SMYD4: variants seen among roughly 807,000 people sequenced by gnomAD.
SMYD4 encodes protein-lysine N-methyltransferase SMYD4.
Under a neutral mutation model 72.8 loss-of-function variants are expected in SMYD4, and 68 were observed. That is an observed-to-expected ratio of 0.93 (90% CI 0.77 to 1.14). SMYD4 has a LOEUF of 1.14. Ranked by LOEUF, SMYD4 falls within the 50% of genes most tolerant of loss-of-function variation. The pLI, the probability that SMYD4 is intolerant of heterozygous loss-of-function variation, is 0.00. For missense variants in SMYD4, 984 were observed against 1,003.7 expected (o/e 0.98, Z 0.27); for synonymous variants, 407 against 388.6 (o/e 1.05, Z -0.56).
chr17:1,789,777 A>AAAAAAAAAAAAG (rs1908923108), intron 5 of SMYD4, among the ~76,000 whole-genome samples: 2 of 151,498 alleles, frequency 1.3e-5, no homozygotes, highest in Non-Finnish European at 2.9e-5. Flanking sequence ...AAAAAAAAAA[A>AAAAAAAAAAAAG]AAGTTTTATA....
intron 4 of SMYD4, among the ~76,000 whole-genome samples, chr17:1,803,257 C>T (rs1232710455): frequency 6.6e-6 from 1 of 152,224 alleles, no homozygotes; most frequent in East Asian, 1.9e-4. Context: ...ACCTCACAGG[C>T]AGACACGGGC....
chr17:1,797,952 A>G (rs1411650163), intron 5 of SMYD4, among the ~76,000 whole-genome samples: 1 of 151,512 alleles, frequency 6.6e-6, no homozygotes. Flanking sequence ...CAGTGAGCCG[A>G]GATTGTGCCA....
Position 1,787,443 on chromosome 17 carries a change from G to A in SMYD4, c.1699C>T (p.Gln567Ter). 6.4e-7 allele frequency: 1 copy of A among 1,558,730 alleles called. No homozygotes were observed. The highest frequency in any genetic ancestry group is 8.7e-7 in the Non-Finnish European group (1 of 1,151,356). ...IRASQRIRKG[Q>*]EILHCYGPHK... The stretch of plus-strand genomic sequence containing the variant: ...TCACCATAGCAGTGGAGAATCTCTT[G>A]CCCCTTTCTAATCCGCTGTGACGCC... Residue 567 changes from glutamine (Q) to a stop codon, truncating the protein, a stop_gained, in exon 6 of 11, where the codon CAA becomes TAA. Transcript: ENST00000305513. LOFTEE classifies it high-confidence loss of function.
At chr17:1,828,252 G>A (rs1465832391) in intron 1 of SMYD4, among the ~76,000 whole-genome samples, 1 of 151,750 alleles carries the variant, frequency 6.6e-6, no homozygotes, top group Non-Finnish European at 1.5e-5. Flanking sequence ...TCGGGAGGCT[G>A]AGGCAAGAGA....
intron 2 of SMYD4, among the ~76,000 whole-genome samples, chr17:1,826,491 C>CAAAAAAAAA (rs111636314): frequency 5.8e-5 from 6 of 103,054 alleles, no homozygotes; most frequent in African/African-American, 6.3e-5. Flanking sequence ...AAACTCTGTC[C>CAAAAAAAAA]AAAAAAAAAA....
rs1239363564 is a variant in SMYD4, at chr17:1,779,509, C to CAAAACAAAACAAAACAAAACAA, written c.*1776_*1777insTTGTTTTGTTTTGTTTTGTTTT. ...CAAAACAAAACAAAACAAAACAAAA[C>CAAAACAAAACAAAACAAAACAA]AAAACCAACAACTCAGAAGGAGGCA... On this transcript the variant is annotated 3_prime_UTR_variant, in exon 11 of 11. Coordinates refer to ENST00000305513, the MANE Select transcript of SMYD4 (RefSeq NM_052928.3). The CAAAACAAAACAAAACAAAACAA allele has an allele frequency of 6.9e-6, 1 of 144,228 alleles. No individual in the cohort carries two copies. The highest frequency in any genetic ancestry group is 1.5e-5 in the Non-Finnish European group (1 of 64,834). 8.9% of individuals were successfully genotyped at this position (144,228 alleles called of 1,614,324 possible). A position where few individuals can be genotyped will look rare whatever the true frequency, so the allele number is the denominator to read the frequency against.
intron 3 of SMYD4, among the ~76,000 whole-genome samples, chr17:1,807,329 CTTTT>C (rs796418884): frequency 1.4e-4 from 20 of 140,988 alleles, no homozygotes; most frequent in Admixed American, 1.4e-3. Flanking sequence ...AATGAGGATG[CTTTT>C]TTTTTTTTTG....
rs990695749 is a variant in SMYD4 at position 1,827,875 on chromosome 17, G to A, written c.120C>T (p.Ser40=). ...GATTTACTTACTGAAGAAGTGAAGA[G>A]GAGTGAAGAAAGATATCCCTCAAGG... is the stretch of plus-strand genomic sequence containing the variant. ...AETLRDIFLH[S]SSLLQPEDEL... is the part of the protein sequence containing the mutation. The change falls in exon 2 of 11, where the codon TCC becomes TCT. Residue 40 remains serine (S), a synonymous_variant. Coordinates refer to ENST00000305513, the MANE Select transcript of SMYD4 (RefSeq NM_052928.3). The A allele has an allele frequency of 1.2e-6, 2 of 1,607,056 alleles. No individual in the cohort carries two copies. The highest frequency in any genetic ancestry group is 1.7e-6 in the Non-Finnish European group (2 of 1,174,044).
At chr17:1,812,699 T>C (rs185867920) in intron 2 of SMYD4, among the ~76,000 whole-genome samples, 35 of 150,512 alleles carry the variant, frequency 2.3e-4, no homozygotes, top group African/African-American at 7.6e-4. Context: ...CAGGCGCCCA[T>C]CACCAGGCCC....
At position 1,799,930 on chromosome 17, in the gene SMYD4, C is replaced by T. The variant is rs372321670; in HGVS notation, c.1464G>A (p.Trp488Ter). Reference protein sequence around the residue: ...TPELCPDVTIWGVAMLRHMLQ... With the variant: ...TPELCPDVTI ...ACATGTGTCTCAGCATCGCCACTCC[C>T]CAAATAGTCACGTCAGGACACAATT... is the stretch of plus-strand genomic sequence containing the variant. The change falls in exon 5 of 11, where the codon TGG (tryptophan) becomes TGA (stop). Residue 488 changes from tryptophan to a stop codon, truncating the protein, a stop_gained. Transcript: ENST00000305513. LOFTEE classifies it high-confidence loss of function. 7.4e-6 allele frequency: 12 copies of T among 1,613,842 alleles called. No individual in the cohort carries two copies. The African/African-American group carries it at 8.0e-5, about 11-fold the overall frequency.
chr17:1,782,767 CT>C (rs35909616), intron 10 of SMYD4: 3,769 of 170,852 alleles, frequency 0.022, no homozygotes, highest in South Asian at 0.044. Flanking sequence ...GGAGGAAATT[CT>C]TTTTTTTTTT....
intron 10 of SMYD4, 114 bp downstream of exon 10, chr17:1,782,921 G>C: frequency 1.4e-6 from 2 of 1,463,966 alleles, no homozygotes; most frequent in Non-Finnish European, 1.8e-6. Flanking sequence ...CTCTCCTAAA[G>C]AGGAAATAAA....
At chr17:1,829,526 CCTCTT>C (rs1911408752) in intron 1 of SMYD4, 195 bp downstream of exon 1, 2 of 152,564 alleles carry the variant, frequency 1.3e-5, no homozygotes, top group African/African-American at 4.8e-5. Flanking sequence ...CACACACTGT[CCTCTT>C]CTCTAAGGAC....
At chr17:1,790,131 G>A (rs946783644) in intron 5 of SMYD4, among the ~76,000 whole-genome samples, 4 of 152,146 alleles carry the variant, frequency 2.6e-5, no homozygotes, top group African/African-American at 9.7e-5. Context: ...AATTAAAAGT[G>A]GACTTGCATT....
At chr17:1,785,053 C>T (rs1364263230) in intron 7 of SMYD4, among the ~76,000 whole-genome samples, 1 of 148,876 alleles carries the variant, frequency 6.7e-6, no homozygotes, top group Non-Finnish European at 1.5e-5. Context: ...TCCCAAAGTG[C>T]TGGGATTACA....
intron 2 of SMYD4, among the ~76,000 whole-genome samples, chr17:1,826,575 G>A (rs58156861): frequency 0.34 from 50,009 of 148,636 alleles, 11,019 homozygotes; most frequent in Non-Finnish European, 0.49. Context: ...TAACTGTACC[G>A]AGTATCTGAA....
At chr17:1,784,281 T>TA in intron 8 of SMYD4, 45 bp downstream of exon 8, 1 of 1,611,754 alleles carries the variant, frequency 6.2e-7, no homozygotes, top group South Asian at 1.1e-5. Flanking sequence ...TCAGAACAAA[T>TA]AAAAGGGAAG....
intron 3 of SMYD4, among the ~76,000 whole-genome samples, chr17:1,809,282 C>T (rs189617882): frequency 3.3e-5 from 5 of 152,192 alleles, no homozygotes; most frequent in South Asian, 2.1e-4. Context: ...TTAAAAGCTA[C>T]GGAAGGAAGT....
In SMYD4 at chr17:1,800,143, C is replaced by A; in HGVS notation, c.1251G>T (p.Lys417Asn). The change falls in exon 5 of 11, where the codon AAG becomes AAT. Residue 417 changes from lysine to asparagine, a missense_variant. Physicochemically the swap from Lys to Asn is moderately conservative, Grantham distance 94. Coordinates refer to ENST00000305513, the MANE Select transcript of SMYD4 (RefSeq NM_052928.3). ...TPIPGCDING[K>N]YENNYNAVFN... ...AGACAGCATTATAATTATTTTCATA[C>A]TTCCCATTAATATCGCATCCAGGAA... 6.2e-7 allele frequency: 1 copy of A among 1,610,762 alleles called. No individual in the cohort carries two copies. The highest frequency in any genetic ancestry group is 1.7e-4 in the Middle Eastern group (1 of 6,050).
Sources: gnomAD v4.1 joint callset for allele counts (sites outside exome capture counted in the v4.1 genomes callset) on GRCh38, gnomAD v4.1.1 for gene constraint, MANE v1.5 for transcripts, NCBI Gene and HGNC (gene_info 2026-07-23, HGNC 2026-07-21) for gene names.